NLGN1: variants seen among roughly 807,000 people sequenced by gnomAD.
NLGN1 encodes the protein neuroligin 1, also known as neuroligin-1.
NLGN1 carries 12 observed loss-of-function variants against 65.5 expected under a neutral mutation model. The ratio of observed to expected loss-of-function variants is 0.18; its 90% CI spans 0.12 to 0.30. The LOEUF (loss-of-function observed/expected upper bound fraction) is 0.30, where lower values mean the gene tolerates loss of function less well. NLGN1 is among the 10% of genes least tolerant of loss of function. The pLI is 1.00. For missense variants in NLGN1, 750 were observed against 1,007.1 expected (o/e 0.74, Z 3.46); for synonymous variants, 350 against 359.5 (o/e 0.97, Z 0.30).
At chr3:173,490,671 A>C (rs1211139360) in intron 2 of NLGN1, among the ~76,000 whole-genome samples, 1 of 152,112 alleles carries the variant, frequency 6.6e-6, no homozygotes. Flanking sequence ...TTGAATCTAT[A>C]AATTACCTTG....
intron 2 of NLGN1, among the ~76,000 whole-genome samples, chr3:173,507,849 T>C (rs1327364768): frequency 6.6e-6 from 1 of 152,180 alleles, no homozygotes; most frequent in African/African-American, 2.4e-5. Context: ...TGAAGCAACA[T>C]ATCTGGGTTT....
At chr3:173,478,319 G>A (rs1046410757) in intron 2 of NLGN1, among the ~76,000 whole-genome samples, 13 of 152,072 alleles carry the variant, frequency 8.5e-5, no homozygotes, top group Non-Finnish European at 1.8e-4. Flanking sequence ...ACCAAACACA[G>A]CATGTTCTCC....
chr3:173,966,095 C>T (rs761336258), intron 4 of NLGN1, among the ~76,000 whole-genome samples: 1 of 152,148 alleles, frequency 6.6e-6, no homozygotes, highest in Non-Finnish European at 1.5e-5. Context: ...TTAGCACCAA[C>T]TGATATTCAA....
At chr3:174,217,670 C>T (rs1737870481) in intron 4 of NLGN1, among the ~76,000 whole-genome samples, 1 of 151,962 alleles carries the variant, frequency 6.6e-6, no homozygotes, top group Admixed American at 6.6e-5. Context: ...GAAATTCAGT[C>T]CATAACATGA....
At chr3:173,428,443 C>T (rs1716549235) in intron 1 of NLGN1, among the ~76,000 whole-genome samples, 1 of 151,052 alleles carries the variant, frequency 6.6e-6, no homozygotes, top group African/African-American at 2.4e-5. Flanking sequence ...TTTAACATAT[C>T]TGTATTTTTG....
At chr3:173,465,238 T>TA (rs1333784258) in intron 2 of NLGN1, among the ~76,000 whole-genome samples, 76 of 152,194 alleles carry the variant, frequency 5.0e-4, no homozygotes, top group Admixed American at 6.5e-5. Context: ...CTGGCTTTTG[T>TA]AGACAAGAGC....
chr3:173,744,615 T>A (rs1056579211), intron 3 of NLGN1, among the ~76,000 whole-genome samples: 1 of 152,110 alleles, frequency 6.6e-6, no homozygotes, highest in Admixed American at 6.6e-5. Flanking sequence ...AGGCAATATC[T>A]TCACTACCAC....
chr3:173,497,191 C>G (rs1424694269), intron 2 of NLGN1, among the ~76,000 whole-genome samples: 1 of 151,772 alleles, frequency 6.6e-6, no homozygotes, highest in African/African-American at 2.4e-5. Context: ...CGAGACCAGC[C>G]TGGCCAATAT....
At chr3:174,014,188 C>T (rs1726093191) in intron 4 of NLGN1, among the ~76,000 whole-genome samples, 1 of 152,074 alleles carries the variant, frequency 6.6e-6, no homozygotes, top group Non-Finnish European at 1.5e-5. Flanking sequence ...CCCCGTGAAA[C>T]ATATAAAAAG....
chr3:173,767,662 C>T (rs1322136411), intron 3 of NLGN1, among the ~76,000 whole-genome samples: 1 of 151,966 alleles, frequency 6.6e-6, no homozygotes, highest in African/African-American at 2.4e-5. Flanking sequence ...TAAATATGTT[C>T]ATTGTTTACT....
intron 2 of NLGN1, among the ~76,000 whole-genome samples, chr3:173,567,126 G>A (rs1049055533): frequency 6.6e-6 from 1 of 152,056 alleles, no homozygotes; most frequent in African/African-American, 2.4e-5. Flanking sequence ...AACCTTGGTA[G>A]TTAAGAGAAT....
intron 4 of NLGN1, among the ~76,000 whole-genome samples, chr3:174,083,689 A>C (rs1353662293): frequency 6.6e-6 from 1 of 152,196 alleles, no homozygotes; most frequent in Non-Finnish European, 1.5e-5. Flanking sequence ...CTCATTCTTC[A>C]CATAGTCTCA....
intron 2 of NLGN1, among the ~76,000 whole-genome samples, chr3:173,565,153 G>A (rs559790079): frequency 4.7e-4 from 71 of 152,140 alleles, no homozygotes; most frequent in Non-Finnish European, 8.1e-4. Flanking sequence ...AGAAGCAGAG[G>A]AACATCAGAA....
At position 174,263,612 on chromosome 3, in the gene NLGN1, A is replaced by C. The variant is rs1006822789; in HGVS notation, c.647-11703A>C. ...GAGATGGGATTCCTGAATACAGCAC[A>C]CTGATGGGTCTTGACTCTTTATCCA... On this transcript the variant is annotated intron_variant, in intron 4 of 6. Coordinates refer to ENST00000457714, the Ensembl canonical transcript of NLGN1. Among the ~76,000 whole-genome samples the C allele has an allele frequency of 5.3e-5, 8 of 152,194 alleles. No homozygotes were observed. In the East Asian group the frequency reaches 1.5e-3, roughly 29 times the overall value.
chr3:173,891,871 AAC>A (rs1319977697), intron 4 of NLGN1, among the ~76,000 whole-genome samples: 1 of 151,572 alleles, frequency 6.6e-6, no homozygotes, highest in Admixed American at 6.6e-5. Context: ...AATTGCTTCT[AAC>A]ACACTGCCTC....
chr3:173,701,908 C>T (rs1305730069), intron 3 of NLGN1, among the ~76,000 whole-genome samples: 1 of 152,126 alleles, frequency 6.6e-6, no homozygotes, highest in South Asian at 2.1e-4. Flanking sequence ...GCCTTTGTTT[C>T]ATGGTATAAA....
At chr3:174,075,197 C>G (rs1052400952) in intron 4 of NLGN1, among the ~76,000 whole-genome samples, 1 of 152,074 alleles carries the variant, frequency 6.6e-6, no homozygotes, top group African/African-American at 2.4e-5. Context: ...TAATTTTTAA[C>G]TCTACTAAAA....
intron 4 of NLGN1, among the ~76,000 whole-genome samples, chr3:174,201,810 A>G (rs997375420): frequency 6.6e-6 from 1 of 152,170 alleles, no homozygotes; most frequent in African/African-American, 2.4e-5. Flanking sequence ...AGTATCCATA[A>G]TAGTGTTCCA....
chr3:173,776,075 C>T (rs1780257346), intron 3 of NLGN1, among the ~76,000 whole-genome samples: 1 of 152,010 alleles, frequency 6.6e-6, no homozygotes, highest in African/African-American at 2.4e-5. Flanking sequence ...CATCTTTTTA[C>T]TAAACCTTCC....
Sources: gnomAD v4.1 joint callset for allele counts (sites outside exome capture counted in the v4.1 genomes callset) on GRCh38, gnomAD v4.1.1 for gene constraint, MANE v1.5 for transcripts, NCBI Gene and HGNC (gene_info 2026-07-23, HGNC 2026-07-21) for gene names.